The following CD160 variants were observed in gnomAD, a reference collection of about 807,000 sequenced individuals.
CD160 encodes CD160 molecule, also known as CD160 antigen.
CD160 carries 11 observed loss-of-function variants against 19.2 expected under a neutral mutation model. That is an observed-to-expected ratio of 0.57 (90% CI 0.36 to 0.95). CD160 has a LOEUF of 0.95. Ranked by LOEUF, CD160 falls within the 40% of genes least tolerant of loss-of-function variation. The pLI is 0.01. For missense variants in CD160, 182 were observed against 213.2 expected, an observed-to-expected ratio of 0.85 and a Z score of 0.91; for synonymous variants, 75 against 81.1, an observed-to-expected ratio of 0.93 and a Z score of 0.40.
At chr1:145,735,191 A>T (rs1657433557) in intron 4 of CD160, among the ~76,000 whole-genome samples, 1 of 152,150 alleles carries the variant, frequency 6.6e-6, no homozygotes, top group African/African-American at 2.4e-5. Flanking sequence ...GTGCTAAGTG[A>T]TATTATATTA....
At chr1:145,734,345 A>G (rs759137232) in intron 4 of CD160, among the ~76,000 whole-genome samples, 2 of 152,110 alleles carry the variant, frequency 1.3e-5, no homozygotes, top group Non-Finnish European at 2.9e-5. Flanking sequence ...CCTCCAATCC[A>G]TTCTACATAC....
intron 2 of CD160, 36 bp from the exon 3 acceptor site, chr1:145,728,220 G>C: frequency 1.3e-6 from 1 of 753,636 alleles, no homozygotes; most frequent in Non-Finnish European, 2.3e-6. Context: ...TGGAACCCTG[G>C]AAGGCTTTGT....
chr1:145,738,537 AGTCT>A lies in CD160; in HGVS notation c.*46_*49del, dbSNP rs781879709. 2.4e-6 allele frequency: 3 copies of A among 1,275,434 alleles called. No individual in the cohort carries two copies. The highest frequency in any genetic ancestry group is 1.0e-6 in the Non-Finnish European group (1 of 985,446). 79.0% of individuals were successfully genotyped at this position (1,275,434 alleles called of 1,614,324 possible). On this transcript the variant is annotated 3_prime_UTR_variant, in exon 6 of 6. Transcript: ENST00000369288. The stretch of plus-strand genomic sequence containing the variant: ...CTTTTAAAACAGCTACAGCAAGATG[AGTCT>A]GACTATGGCTTAGTATCTTTCTCAT...
At chr1:145,719,780 T>C (rs1656755575) in intron 1 of CD160, among the ~76,000 whole-genome samples, 1 of 152,210 alleles carries the variant, frequency 6.6e-6, no homozygotes, top group Non-Finnish European at 1.5e-5. Flanking sequence ...GGCCCCATTC[T>C]GACATTCCTC....
intron 2 of CD160, 112 bp from the exon 3 acceptor site, chr1:145,728,144 A>G (rs1553708618): frequency 7.1e-6 from 4 of 565,882 alleles, no homozygotes; most frequent in East Asian, 2.9e-5. Flanking sequence ...CTCATGCCCA[A>G]GCCCTCCTCT....
intron 3 of CD160, among the ~76,000 whole-genome samples, chr1:145,729,876 A>T (rs1425682093): frequency 6.6e-6 from 1 of 152,150 alleles, no homozygotes; most frequent in African/African-American, 2.4e-5. Context: ...TCTTAGAAAA[A>T]CTTTTACTCA....
intron 4 of CD160, among the ~76,000 whole-genome samples, chr1:145,731,428 T>C (rs1437525670): frequency 6.6e-6 from 1 of 152,030 alleles, no homozygotes; most frequent in African/African-American, 2.4e-5. Flanking sequence ...CCCAGCATTT[T>C]GGGAGGCTGA....
chr1:145,730,140 T>C (rs1657227481), intron 3 of CD160, among the ~76,000 whole-genome samples: 1 of 152,052 alleles, frequency 6.6e-6, no homozygotes, highest in Non-Finnish European at 1.5e-5. Context: ...CTGGACAACA[T>C]AGTGAGAATC....
At chr1:145,728,725 A>T (rs1296433058) in intron 3 of CD160, among the ~76,000 whole-genome samples, 1 of 151,974 alleles carries the variant, frequency 6.6e-6, no homozygotes, top group Non-Finnish European at 1.5e-5. Context: ...GCTGGCCTCG[A>T]ACTCTGCCTG....
At position 145,738,675 on chromosome 1, in the gene CD160, T is replaced by C; in HGVS notation, c.*182T>C. The stretch of plus-strand genomic sequence containing the variant: ...GGCAAATCAGTGTAATCCTTGACTT[T>C]GCTCCTCACCATCAGGGCAAACTTG... On this transcript the variant is annotated 3_prime_UTR_variant, in exon 6 of 6. Transcript: ENST00000369288. 2.4e-6 allele frequency: 1 copy of C among 413,544 alleles called. No individual in the cohort carries two copies. Among genetic ancestry groups the C allele is most frequent in the Non-Finnish European group, 4.3e-6 (1 of 235,036 alleles). 25.6% of individuals were successfully genotyped at this position (413,544 alleles called of 1,614,324 possible). A position where few individuals can be genotyped will look rare whatever the true frequency, so the allele number is the denominator to read the frequency against.
Position 145,738,396 on chromosome 1 carries a change from C to T in CD160, c.539-90C>T, listed in dbSNP as rs1205808131. On this transcript the variant is annotated intron_variant, in intron 5 of 5. Coordinates refer to ENST00000369288, the MANE Select transcript of CD160 (RefSeq NM_007053.4). ...TACAGTCATGAGGGCCTATCACGCACGCATCTCAGGACAGGTGAGACTTCA... is the reference window on the plus strand; with the variant it reads ...TACAGTCATGAGGGCCTATCACGCATGCATCTCAGGACAGGTGAGACTTCA... The T allele has an allele frequency of 1.6e-5, 13 of 799,358 alleles. No homozygotes were observed. The Admixed American group carries it at 1.9e-4, about 12-fold the overall frequency. 49.5% of individuals were successfully genotyped at this position (799,358 alleles called of 1,614,324 possible).
At chr1:145,726,462 T>C (rs1657053181) in intron 2 of CD160, among the ~76,000 whole-genome samples, 1 of 152,212 alleles carries the variant, frequency 6.6e-6, no homozygotes, top group Non-Finnish European at 1.5e-5. Flanking sequence ...ACCATCATTC[T>C]AAGCAAACTG....
At chr1:145,734,030 C>T (rs587618808) in intron 4 of CD160, among the ~76,000 whole-genome samples, 17 of 152,260 alleles carry the variant, frequency 1.1e-4, no homozygotes, top group South Asian at 2.1e-4. Flanking sequence ...CTGTTCATGA[C>T]GGAGTCAACT....
chr1:145,730,928 T>C lies in CD160; in HGVS notation c.258T>C (p.Asp86=), dbSNP rs782094656. ...GACTTAAAAGGGATCCTGGGATAGA[T>C]GGTGTTGGTGAAATATCATCTCAGT... ...QLRLKRDPGI[D]GVGEISSQLM... Residue 86 remains aspartate (D), a synonymous_variant, in exon 4 of 6, where the codon GAT becomes GAC. Coordinates refer to ENST00000369288, the MANE Select transcript of CD160 (RefSeq NM_007053.4). The C allele has an allele frequency of 3.1e-6, 5 of 1,614,058 alleles. No homozygotes were observed. The highest frequency in any genetic ancestry group is 1.3e-5 in the African/African-American group (1 of 74,924).
At chr1:145,735,720 C>T (rs587707890) in intron 4 of CD160, among the ~76,000 whole-genome samples, 9 of 152,266 alleles carry the variant, frequency 5.9e-5, no homozygotes, top group South Asian at 4.1e-4. Flanking sequence ...AAGTCCAAGG[C>T]GACTAAGCTG....
At chr1:145,722,827 C>G (rs974728649) in intron 1 of CD160, among the ~76,000 whole-genome samples, 11 of 152,128 alleles carry the variant, frequency 7.2e-5, no homozygotes, top group South Asian at 6.2e-4. Context: ...ATCTCCTGAC[C>G]TCGTGATCTG....
rs782345324 is a variant in CD160, at chr1:145,730,958, G to A, written c.288G>A (p.Met96Ile). Reference protein sequence around the residue: ...DGVGEISSQLMFTISQVTPLH... With the variant: ...DGVGEISSQLIFTISQVTPLH... ...TTGGTGAAATATCATCTCAGTTGATGTTCACCATAAGCCAAGTCACACCGT... is the reference window on the plus strand; with the variant it reads ...TTGGTGAAATATCATCTCAGTTGATATTCACCATAAGCCAAGTCACACCGT... Residue 96 changes from methionine (M) to isoleucine (I), a missense_variant, in exon 4 of 6, where the codon ATG (methionine) becomes ATA (isoleucine). Transcript: ENST00000369288. 2.5e-6 allele frequency: 4 copies of A among 1,614,072 alleles called. No individual in the cohort carries two copies. The Admixed American group carries it at 6.7e-5, about 27-fold the overall frequency.
intron 1 of CD160, among the ~76,000 whole-genome samples, chr1:145,721,538 T>G (rs1465775424): frequency 1.3e-5 from 2 of 152,144 alleles, no homozygotes; most frequent in Middle Eastern, 3.4e-3. Context: ...GTCTGGCCAC[T>G]CCAGCGGAGT....
At chr1:145,737,554 G>C (rs1553710380) in intron 5 of CD160, 1 of 152,138 alleles carries the variant, frequency 6.6e-6, no homozygotes, top group African/African-American at 2.4e-5. Flanking sequence ...GCCTATGCCA[G>C]TTTTCAGGAG....
Sources: gnomAD v4.1 joint callset for allele counts (sites outside exome capture counted in the v4.1 genomes callset) on GRCh38, gnomAD v4.1.1 for gene constraint, MANE v1.5 for transcripts, NCBI Gene and HGNC (gene_info 2026-07-23, HGNC 2026-07-21) for gene names.